Variants in TNFSF4 observed in about 807,000 individuals in gnomAD.
TNFSF4 encodes TNF superfamily member 4.
Under a neutral mutation model 7.3 loss-of-function variants are expected in TNFSF4, and 4 were observed. The observed-to-expected ratio is 0.55, with a 90% CI of 0.27 to 1.25. TNFSF4 has a LOEUF of 1.25. TNFSF4 is among the 50% of genes most tolerant of loss of function. The pLI, the probability that TNFSF4 is intolerant of heterozygous loss-of-function variation, is 0.12. For missense variants in TNFSF4, 181 were observed against 208.8 expected, an observed-to-expected ratio of 0.87 and a Z score of 0.82; for synonymous variants, 76 against 83.7, an observed-to-expected ratio of 0.91 and a Z score of 0.50.
chr1:173,417,451 T>A, the TNFSF4 span, among the ~76,000 whole-genome samples: 1 of 152,206 alleles, frequency 6.6e-6, no homozygotes, highest in East Asian at 1.9e-4. Flanking sequence ...AGACCTATAA[T>A]TTTTTTAGGG....
At chr1:173,237,716 G>A in the TNFSF4 span, among the ~76,000 whole-genome samples, 1 of 152,050 alleles carries the variant, frequency 6.6e-6, no homozygotes, top group East Asian at 1.9e-4. Flanking sequence ...TGAAAGAGCT[G>A]TACAACGAAA....
At chr1:173,208,562 G>A (rs1650275469), upstream of TNFSF4, among the ~76,000 whole-genome samples, 1 of 152,144 alleles carries the variant, frequency 6.6e-6, no homozygotes. Context: ...CTTGCATTAG[G>A]AGAACATACT....
chr1:173,382,685 T>A, the TNFSF4 span, among the ~76,000 whole-genome samples: 1 of 152,202 alleles, frequency 6.6e-6, no homozygotes, highest in African/African-American at 2.4e-5. Context: ...CTGATTCCTA[T>A]TCTTTTTCAC....
the TNFSF4 span, among the ~76,000 whole-genome samples, chr1:173,397,432 G>C: frequency 6.6e-6 from 1 of 152,138 alleles, no homozygotes; most frequent in Admixed American, 6.5e-5. Context: ...AGGACTACTG[G>C]ACCCTGGCTC....
At chr1:173,435,577 C>T in the TNFSF4 span, among the ~76,000 whole-genome samples, 1 of 152,324 alleles carries the variant, frequency 6.6e-6, no homozygotes, top group Middle Eastern at 3.4e-3. Flanking sequence ...TGATCTTGAA[C>T]CTGTCAGCAT....
At chr1:173,243,004 T>C in the TNFSF4 span, among the ~76,000 whole-genome samples, 1,920 of 25,434 alleles carry the variant, frequency 0.075, 131 homozygotes, top group South Asian at 0.098. Context: ...AGTTGGTGGG[T>C]GGGGGGGGGG....
the TNFSF4 span, among the ~76,000 whole-genome samples, chr1:173,255,539 G>A: frequency 2.6e-5 from 4 of 152,130 alleles, no homozygotes; most frequent in African/African-American, 4.8e-5. Flanking sequence ...TTATAATGTG[G>A]GTGTGGCCTC....
In TNFSF4 at chr1:173,192,879, T is replaced by C. The variant is rs180813177; in HGVS notation, c.154-4310A>G. ...GAGTTGTAAAGTTTGAATGAAATAA[T>C]ATATGTCAGTGATCAGGACCTGTCA... On this transcript the variant is annotated intron_variant, in intron 1 of 2. Coordinates refer to ENST00000281834, the MANE Select transcript of TNFSF4 (RefSeq NM_003326.5). Among the ~76,000 whole-genome samples the C allele has an allele frequency of 2.0e-5, 3 of 152,274 alleles. No homozygotes were observed. In the East Asian group the frequency reaches 5.8e-4, roughly 29 times the overall value.
the TNFSF4 span, among the ~76,000 whole-genome samples, chr1:173,338,254 A>G: frequency 6.6e-6 from 1 of 152,216 alleles, no homozygotes; most frequent in African/African-American, 2.4e-5. Flanking sequence ...CCTTACTGAA[A>G]TAGACATTTA....
At chr1:173,408,492 T>TA in the TNFSF4 span, among the ~76,000 whole-genome samples, 1 of 152,098 alleles carries the variant, frequency 6.6e-6, no homozygotes, top group African/African-American at 2.4e-5. Flanking sequence ...ATAATTAAAT[T>TA]TAAAAAATCA....
At chr1:173,213,530 A>G in the TNFSF4 span, among the ~76,000 whole-genome samples, 25 of 152,302 alleles carry the variant, frequency 1.6e-4, no homozygotes, top group Middle Eastern at 3.4e-3. Flanking sequence ...GTAAAAATCT[A>G]TAAGTACATT....
chr1:173,415,000 C>T, the TNFSF4 span, among the ~76,000 whole-genome samples: 1 of 152,194 alleles, frequency 6.6e-6, no homozygotes, highest in Admixed American at 6.5e-5. Flanking sequence ...CCTCAACATC[C>T]AATCAAGCTC....
the TNFSF4 span, among the ~76,000 whole-genome samples, chr1:173,409,766 G>A: frequency 6.6e-6 from 1 of 152,122 alleles, no homozygotes; most frequent in Non-Finnish European, 1.5e-5. Flanking sequence ...GAGAAGTGCA[G>A]GCAGTGGTTA....
chr1:173,254,671 G>T, the TNFSF4 span, among the ~76,000 whole-genome samples: 1 of 152,162 alleles, frequency 6.6e-6, no homozygotes, highest in Admixed American at 6.5e-5. Context: ...GGAAGAGTAG[G>T]AATCACCAGA....
At chr1:173,348,163 A>G in the TNFSF4 span, among the ~76,000 whole-genome samples, 58 of 152,354 alleles carry the variant, frequency 3.8e-4, no homozygotes, top group Admixed American at 7.2e-4. Flanking sequence ...CTCATCTTGA[A>G]TTATAGCTCC....
chr1:173,390,194 T>C, the TNFSF4 span, among the ~76,000 whole-genome samples: 1 of 152,182 alleles, frequency 6.6e-6, no homozygotes, highest in Non-Finnish European at 1.5e-5. Flanking sequence ...AGTATAGTAT[T>C]AGCATTCATT....
the TNFSF4 span, among the ~76,000 whole-genome samples, chr1:173,348,000 C>T: frequency 3.9e-5 from 6 of 152,238 alleles, no homozygotes; most frequent in African/African-American, 1.2e-4. Flanking sequence ...TAAGGTGTAA[C>T]TTGGGAGTGA....
chr1:173,267,452 T>TA, the TNFSF4 span, among the ~76,000 whole-genome samples: 1 of 152,202 alleles, frequency 6.6e-6, no homozygotes, highest in Non-Finnish European at 1.5e-5. Flanking sequence ...TATCCAATCA[T>TA]AAAAATGAAA....
At chr1:173,343,768 A>AGGAT in the TNFSF4 span, among the ~76,000 whole-genome samples, 12 of 152,158 alleles carry the variant, frequency 7.9e-5, no homozygotes, top group South Asian at 2.1e-4. Context: ...AAGGAATAAA[A>AGGAT]GGATGGATGG....
Sources: gnomAD v4.1 joint callset for allele counts (sites outside exome capture counted in the v4.1 genomes callset) on GRCh38, gnomAD v4.1.1 for gene constraint, MANE v1.5 for transcripts, NCBI Gene and HGNC (gene_info 2026-07-23, HGNC 2026-07-21) for gene names.